PLCG1: variants seen among roughly 807,000 people sequenced by gnomAD.
The protein encoded by PLCG1 is 1-phosphatidylinositol 4,5-bisphosphate phosphodiesterase gamma-1.
PLCG1 carries 71 observed loss-of-function variants against 177.8 expected under a neutral mutation model. The observed-to-expected ratio is 0.40, with a 90% CI of 0.33 to 0.49. The LOEUF is 0.49. Ranked by LOEUF, PLCG1 falls within the 20% of genes least tolerant of loss-of-function variation. The pLI, the probability that PLCG1 is intolerant of heterozygous loss-of-function variation, is 0.72. For synonymous variants in PLCG1, 658 were observed against 647.9 expected, an observed-to-expected ratio of 1.02 and a Z score of -0.24; for missense variants, 1,281 against 1,709.0, an observed-to-expected ratio of 0.75 and a Z score of 4.42.
At position 41,156,395 on chromosome 20, in the gene PLCG1, A is replaced by G. The variant is rs1156271927; in HGVS notation, c.218-3211A>G. On this transcript the variant is annotated intron_variant, in intron 1 of 31. Transcript: ENST00000685551. The surrounding 1 kb of genome is among the most constrained non-coding windows in gnomAD (Gnocchi z 5.0). The stretch of plus-strand genomic sequence containing the variant: ...GCCTGGGGACGTGGTGCTGGGCAGA[A>G]TGAATATGCTGCAGCCCTGATGGGC... Among the ~76,000 whole-genome samples, 1 of 152,182 alleles carries G rather than the reference A, an allele frequency of 6.6e-6. No individual in the cohort carries two copies. Among genetic ancestry groups the G allele is most frequent in the African/African-American group, 2.4e-5 (1 of 41,454 alleles).
chr20:41,161,351 C>G (rs565518951), intron 4 of PLCG1, among the ~76,000 whole-genome samples: 2 of 152,202 alleles, frequency 1.3e-5, no homozygotes, highest in East Asian at 3.9e-4. Context: ...ATGACTCTTG[C>G]AAGGAGTTTT....
chr20:41,138,147 C>T, intron 1 of PLCG1: 1 of 282,772 alleles, frequency 3.5e-6, no homozygotes, highest in Non-Finnish European at 6.6e-6. Context: ...ACCTGCGGTG[C>T]AGGCATCGGG....
At position 41,173,666 on chromosome 20, in the gene PLCG1, A is replaced by C; in HGVS notation, c.3409A>C (p.Asn1137His). The part of the protein sequence containing the change: ...KTEFVVDNGL[N>H]PVWPAKPFHF... ...TGCCTTCACAGTGGACAATGGACTC[A>C]ACCCTGTATGGCCAGCCAAGCCCTT... is the stretch of plus-strand genomic sequence containing the variant. Residue 1137 changes from asparagine (N) to histidine (H), a missense_variant, in exon 29 of 32, where the codon AAC (asparagine) becomes CAC (histidine). Coordinates refer to ENST00000685551, the MANE Select transcript of PLCG1 (RefSeq NM_002660.3). The surrounding 1 kb of genome is among the most constrained non-coding windows in gnomAD (Gnocchi z 6.2). The C allele has an allele frequency of 6.2e-7, 1 of 1,614,202 alleles. No individual in the cohort carries two copies. Among genetic ancestry groups the C allele is most frequent in the Non-Finnish European group, 8.5e-7 (1 of 1,180,036 alleles).
Position 41,163,299 on chromosome 20 carries a change from C to G in PLCG1, c.789+24C>G. On this transcript the variant is annotated intron_variant, in intron 8 of 31. Coordinates refer to ENST00000685551, the MANE Select transcript of PLCG1 (RefSeq NM_002660.3). This position sits in a 1 kb window ranked among gnomAD's most constrained non-coding sequence, Gnocchi z 5.2. ...GGGTATGGCTGGGCTGACATTGGCC[C>G]AGGCTGGTAGGTTGTGGGGGGCTGG... is the stretch of plus-strand genomic sequence containing the variant. 1 of 1,585,514 alleles carries G rather than the reference C, an allele frequency of 6.3e-7. No homozygotes were observed. Among genetic ancestry groups the G allele is most frequent in the South Asian group, 1.1e-5 (1 of 87,888 alleles).
chr20:41,168,685 A>C, intron 20 of PLCG1, 82 bp from the exon 21 acceptor site: 1 of 814,134 alleles, frequency 1.2e-6, no homozygotes, highest in Non-Finnish European at 2.1e-6. Flanking sequence ...GCCCAAGCAC[A>C]TGTGTGTGTG....
chr20:41,170,417 T>G (rs2035859870), intron 24 of PLCG1, 148 bp downstream of exon 24: 1 of 726,534 alleles, frequency 1.4e-6, no homozygotes, highest in East Asian at 2.7e-5. Flanking sequence ...TAGCTAGGGA[T>G]TGAGAAGAAA....
At chr20:41,162,884 C>T in intron 6 of PLCG1, 74 bp from the exon 7 acceptor site, 3 of 1,459,848 alleles carry the variant, frequency 2.1e-6, no homozygotes, top group African/African-American at 1.4e-5. Flanking sequence ...GCTGCTCTAG[C>T]CTGCCTTCTT....
chr20:41,155,938 C>T (rs1216688312), intron 1 of PLCG1, among the ~76,000 whole-genome samples: 1 of 152,150 alleles, frequency 6.6e-6, no homozygotes, highest in Non-Finnish European at 1.5e-5. Flanking sequence ...TGTGGTTCTC[C>T]TCACTAAGCT....
At position 41,163,930 on chromosome 20, in the gene PLCG1, C is replaced by T. The variant is rs143452596; in HGVS notation, c.1020C>T (p.Thr340=). ...WISSSHNTYL[T]GDQFSSESSL... The stretch of plus-strand genomic sequence containing the variant: ...CTCCTTGCCTATCCAGGTACCTGAC[C>T]GGGGACCAGTTCTCCAGTGAGTCCT... Residue 340 remains threonine (T), a synonymous_variant, in exon 11 of 32, where the codon ACC becomes ACT. Transcript: ENST00000685551. The surrounding 1 kb of genome is among the most constrained non-coding windows in gnomAD (Gnocchi z 5.2). The T allele has an allele frequency of 1.8e-5, 29 of 1,613,956 alleles. No homozygotes were observed. The highest frequency in any genetic ancestry group is 2.2e-5 in the South Asian group (2 of 91,064).
Position 41,165,002 on chromosome 20 carries a change from C to T in PLCG1, c.1287C>T (p.Phe429=), listed in dbSNP as rs2035631880. 1 of 1,614,200 alleles carries T rather than the reference C, an allele frequency of 6.2e-7. No individual in the cohort carries two copies. The highest frequency in any genetic ancestry group is 1.6e-4 in the Middle Eastern group (1 of 6,062). The change falls in exon 13 of 32, where the codon TTC becomes TTT. Residue 429 remains phenylalanine (F), a synonymous_variant. Coordinates refer to ENST00000685551, the MANE Select transcript of PLCG1 (RefSeq NM_002660.3). The surrounding 1 kb of genome is among the most constrained non-coding windows in gnomAD (Gnocchi z 6.6). ...AGCAGAGAAACATGGCCCAATACTT[C>T]AAGAAGGTGCTGGGGGACACACTCC... ...IAQQRNMAQY[F]KKVLGDTLLT...
In PLCG1 at chr20:41,172,801, C is replaced by A; in HGVS notation, c.3203C>A (p.Thr1068Asn). ...TGTGGCTACGTGCTGCAGCCAAGCACCATGCGGGATGAGGCCTTCGACCCC... is the reference window on the plus strand; with the variant it reads ...TGTGGCTACGTGCTGCAGCCAAGCAACATGCGGGATGAGGCCTTCGACCCC... ...RHCGYVLQPSTMRDEAFDPFD... is the reference protein window; with the variant it reads ...RHCGYVLQPSNMRDEAFDPFD... Residue 1068 changes from threonine to asparagine, a missense_variant, in exon 27 of 32, where the codon ACC becomes AAC. Coordinates refer to ENST00000685551, the MANE Select transcript of PLCG1 (RefSeq NM_002660.3). The surrounding 1 kb of genome is among the most constrained non-coding windows in gnomAD (Gnocchi z 7.0). 1 of 1,614,178 alleles carries A rather than the reference C, an allele frequency of 6.2e-7. No homozygotes were observed. Among genetic ancestry groups the A allele is most frequent in the African/African-American group, 1.3e-5 (1 of 75,042 alleles).
chr20:41,155,820 C>T (rs1297674484), intron 1 of PLCG1, among the ~76,000 whole-genome samples: 1 of 152,144 alleles, frequency 6.6e-6, no homozygotes, highest in Non-Finnish European at 1.5e-5. Flanking sequence ...CAGCATGGCC[C>T]TCACAGCAAC....
Position 41,167,647 on chromosome 20 carries a change from C to T in PLCG1, c.2302-205C>T, listed in dbSNP as rs1038077093. On this transcript the variant is annotated intron_variant, in intron 19 of 31. Coordinates refer to ENST00000685551, the MANE Select transcript of PLCG1 (RefSeq NM_002660.3). This position sits in a 1 kb window ranked among gnomAD's most constrained non-coding sequence, Gnocchi z 4.4. Reference sequence around the variant, plus strand: ...TTTTAGAATCCTGGGCTGGGCCTTACATGTAAGAATGTGAAGAAAGGAAAG... The same window carrying T: ...TTTTAGAATCCTGGGCTGGGCCTTATATGTAAGAATGTGAAGAAAGGAAAG... 6 of 581,546 alleles carry T rather than the reference C, an allele frequency of 1.0e-5. No homozygotes were observed. The African/African-American group carries it at 1.1e-4, about 11-fold the overall frequency. The allele number at this position is 581,546 out of a possible 1,614,324, so 36.0% of individuals were successfully genotyped here.
chr20:41,170,318 G>A (rs2035854219), intron 24 of PLCG1, 49 bp downstream of exon 24: 1 of 1,605,164 alleles, frequency 6.2e-7, no homozygotes, highest in South Asian at 1.1e-5. Flanking sequence ...GGCCCGTCAG[G>A]CAGCTGAGGC....
At position 41,173,767 on chromosome 20, in the gene PLCG1, G is replaced by T. The variant is rs1291877426; in HGVS notation, c.3510G>T (p.Gln1170His). Residue 1170 changes from glutamine to histidine, a missense_variant, in exon 29 of 32, where the codon CAG becomes CAT. Gln to His is a conservative substitution (Grantham distance 24). Transcript: ENST00000685551. The surrounding 1 kb of genome is among the most constrained non-coding windows in gnomAD (Gnocchi z 6.2). Reference protein sequence around the residue: ...VVYEEDMFSDQNFLAQATFPV... With the variant: ...VVYEEDMFSDHNFLAQATFPV... ...ATGAGGAAGACATGTTTAGTGACCA[G>T]AATTTCCTGGCTCAGGCTACTTTCC... is the stretch of plus-strand genomic sequence containing the variant. The T allele has an allele frequency of 1.2e-6, 2 of 1,614,044 alleles. No individual in the cohort carries two copies. Among genetic ancestry groups the T allele is most frequent in the African/African-American group, 1.3e-5 (1 of 74,928 alleles).
rs755718394 is a variant in PLCG1 at position 41,174,501 on chromosome 20, C to T, written c.3868C>T (p.Arg1290Cys). The part of the protein sequence containing the change: ...PRRTRVNGDN[R>C]L Reference sequence around the variant, plus strand: ...AAGGACTCGGGTCAATGGAGACAACCGCCTCTAGTTGTACCCCAGCCTCGT... The same window carrying T: ...AAGGACTCGGGTCAATGGAGACAACTGCCTCTAGTTGTACCCCAGCCTCGT... Residue 1290 changes from arginine to cysteine, a missense_variant, in exon 32 of 32, where the codon CGC becomes TGC. By Grantham distance (180) the Arg-to-Cys change is radical. This residue lies in a region of PLCG1 where 153 missense variants were observed against 153.2 expected (regional missense o/e 1.00). Coordinates refer to ENST00000685551, the MANE Select transcript of PLCG1 (RefSeq NM_002660.3). This position sits in a 1 kb window ranked among gnomAD's most constrained non-coding sequence, Gnocchi z 5.8. 27 of 1,586,664 alleles carry T rather than the reference C, an allele frequency of 1.7e-5. No individual in the cohort carries two copies. In the South Asian group the frequency reaches 1.9e-4, roughly 11 times the overall value.
At position 41,176,165 on chromosome 20, in the gene PLCG1, C is replaced by T. The variant is rs767914049; in HGVS notation, c.*1656C>T. On this transcript the variant is annotated 3_prime_UTR_variant, in exon 32 of 32. Transcript: ENST00000685551. ...CCTTCTCTTCCTGAAGCTCTGTTTC[C>T]ATAGTTGGCTGTGCTGGGATGGAAC... The T allele has an allele frequency of 6.6e-6, 1 of 152,154 alleles. No homozygotes were observed. Among genetic ancestry groups the T allele is most frequent in the Non-Finnish European group, 1.5e-5 (1 of 68,046 alleles). 9.4% of individuals were successfully genotyped at this position (152,154 alleles called of 1,614,324 possible). A position where few individuals can be genotyped will look rare whatever the true frequency, so the allele number is the denominator to read the frequency against.
Position 41,173,359 on chromosome 20 carries a change from G to T in PLCG1, c.3280-61G>T. The T allele has an allele frequency of 6.8e-7, 1 of 1,470,750 alleles. No individual in the cohort carries two copies. Among genetic ancestry groups the T allele is most frequent in the Non-Finnish European group, 9.1e-7 (1 of 1,102,546 alleles). The allele number at this position is 1,470,750 out of a possible 1,614,324, so 91.1% of individuals were successfully genotyped here. A position where few individuals can be genotyped will look rare whatever the true frequency, so the allele number is the denominator to read the frequency against. On this transcript the variant is annotated intron_variant, in intron 27 of 31. Coordinates refer to ENST00000685551, the MANE Select transcript of PLCG1 (RefSeq NM_002660.3). The surrounding 1 kb of genome is among the most constrained non-coding windows in gnomAD (Gnocchi z 6.2). ...CTCCACAGATGCTGACTGAGCCTCC[G>T]CAGTGGGGAATTGGAGGGAGCAGGA... is the stretch of plus-strand genomic sequence containing the variant.
chr20:41,142,831 T>G (rs960082588), intron 1 of PLCG1, among the ~76,000 whole-genome samples: 10 of 152,026 alleles, frequency 6.6e-5, no homozygotes, highest in Admixed American at 1.3e-4. Context: ...TAGCATGGAG[T>G]GTGGCACAGT....
Sources: gnomAD v4.1 joint callset for allele counts (sites outside exome capture counted in the v4.1 genomes callset) on GRCh38, gnomAD v4.1.1 for gene constraint, gnomAD v4.1.1 regional missense constraint, Gnocchi (gnomAD v3.1) non-coding constraint, MANE v1.5 for transcripts, NCBI Gene and HGNC (gene_info 2026-07-23, HGNC 2026-07-21) for gene names.